Variants in PLXND1 observed in about 807,000 individuals in gnomAD.
PLXND1 encodes the protein plexin D1.
PLXND1 carries 54 observed loss-of-function variants against 197.7 expected under a neutral mutation model. The observed-to-expected ratio is 0.27, with a 90% confidence interval of 0.22 to 0.34. The LOEUF (loss-of-function observed/expected upper bound fraction) is 0.34. Ranked by LOEUF, PLXND1 falls within the 10% of genes least tolerant of loss-of-function variation. The probability of loss-of-function intolerance (pLI) is 1.00; values close to 1 mark genes in which losing one functional copy is unlikely to be tolerated. For missense variants in PLXND1, 2,127 were observed against 2,699.2 expected, an observed-to-expected ratio of 0.79 and a Z score of 4.70; for synonymous variants, 1,180 against 1,161.2, an observed-to-expected ratio of 1.02 and a Z score of -0.33.
chr3:129,571,416 G>T, intron 17 of PLXND1, 93 bp downstream of exon 17: 1 of 1,520,310 alleles, frequency 6.6e-7, no homozygotes, highest in Non-Finnish European at 9.1e-7. Flanking sequence ...AGGAAGAGGG[G>T]ACAGAGATGC....
At position 129,569,909 on chromosome 3, in the gene PLXND1, C is replaced by T. The variant is rs1455634637; in HGVS notation, c.3799G>A (p.Gly1267Ser). Reference protein sequence around the residue: ...NQTIATLQLGGSETAIIVSIV... With the variant: ...NQTIATLQLGSSETAIIVSIV... The stretch of plus-strand genomic sequence containing the variant: ...GACACGATGATGGCCGTCTCGCTGC[C>T]CCCCAGCTGCAGTGTGGCGATGGTC... Residue 1267 changes from glycine (G) to serine (S), a missense_variant, in exon 20 of 36, where the codon GGC (glycine) becomes AGC (serine). Physicochemically the swap from Gly to Ser is moderately conservative, Grantham distance 56 (BLOSUM62 0). Coordinates refer to ENST00000324093, the MANE Select transcript of PLXND1 (RefSeq NM_015103.3). 6.2e-7 allele frequency: 1 copy of T among 1,613,366 alleles called. No homozygotes were observed. The highest frequency in any genetic ancestry group is 8.5e-7 in the Non-Finnish European group (1 of 1,179,554).
intron 20 of PLXND1, among the ~76,000 whole-genome samples, chr3:129,569,009 T>C (rs1360229285): frequency 2.0e-5 from 3 of 152,256 alleles, no homozygotes; most frequent in African/African-American, 7.2e-5. Context: ...TCTGTCTCTA[T>C]GAATTTCCCT....
intron 1 of PLXND1, among the ~76,000 whole-genome samples, chr3:129,595,636 C>A (rs1030338175): frequency 9.9e-5 from 15 of 152,188 alleles, no homozygotes; most frequent in Non-Finnish European, 2.2e-4. Flanking sequence ...TTCGGGGAGG[C>A]CTGCCTTGGT....
chr3:129,578,989 C>T (rs2085352015), intron 8 of PLXND1, among the ~76,000 whole-genome samples: 1 of 152,170 alleles, frequency 6.6e-6, no homozygotes, highest in Admixed American at 6.5e-5. Flanking sequence ...CCAGGGGACA[C>T]CCCTCCCCAC....
Position 129,572,835 on chromosome 3 carries a change from C to A in PLXND1, c.2937+7G>T, listed in dbSNP as rs770460856. 6.2e-7 allele frequency: 1 copy of A among 1,613,478 alleles called. No homozygotes were observed. Among genetic ancestry groups the A allele is most frequent in the South Asian group, 1.1e-5 (1 of 91,078 alleles). On this transcript the variant is annotated splice_region_variant and intron_variant, in intron 14 of 35. Transcript: ENST00000324093. ...GGGCCGGACAGTGGGCTGCAGCCCCCCCTTACCACGTAGGAGAAGCGGTCC... is the reference window on the plus strand; with the variant it reads ...GGGCCGGACAGTGGGCTGCAGCCCCACCTTACCACGTAGGAGAAGCGGTCC...
intron 2 of PLXND1, among the ~76,000 whole-genome samples, chr3:129,587,061 A>T (rs763600372): frequency 6.6e-6 from 1 of 152,122 alleles, no homozygotes; most frequent in Non-Finnish European, 1.5e-5. Flanking sequence ...TTTGACACTG[A>T]GGAGCTCTAC....
chr3:129,587,442 T>C (rs2085478162), intron 2 of PLXND1, among the ~76,000 whole-genome samples: 1 of 152,216 alleles, frequency 6.6e-6, no homozygotes, highest in African/African-American at 2.4e-5. Flanking sequence ...AGGGACCCTC[T>C]GCGTGTCCTC....
rs1224896150 is a variant in PLXND1, at chr3:129,575,457, G to A, written c.2530+12C>T. 1 of 1,528,710 alleles carries A rather than the reference G, an allele frequency of 6.5e-7. No homozygotes were observed. The highest frequency in any genetic ancestry group is 2.4e-5 in the East Asian group (1 of 40,850). 94.7% of individuals were successfully genotyped at this position (1,528,710 alleles called of 1,614,324 possible). A position where few individuals can be genotyped will look rare whatever the true frequency, so the allele number is the denominator to read the frequency against. The stretch of plus-strand genomic sequence containing the variant: ...GGCCCCGAGGCCATGTGGGGCGGGT[G>A]GGGGTGCCCACCTGTCATGGGCTCA... On this transcript the variant is annotated intron_variant, in intron 11 of 35. Transcript: ENST00000324093.
intron 31 of PLXND1, 61 bp from the exon 32 acceptor site, chr3:129,559,844 C>A: frequency 7.2e-7 from 1 of 1,383,522 alleles, no homozygotes; most frequent in South Asian, 1.5e-5. Context: ...CTAGTGGGCA[C>A]CCTTGGTGGC....
Position 129,605,570 on chromosome 3 carries a change from C to T in PLXND1, c.1070G>A (p.Arg357His). 1 of 1,524,004 alleles carries T rather than the reference C, an allele frequency of 6.6e-7. No homozygotes were observed. The allele number at this position is 1,524,004 out of a possible 1,614,324, so 94.4% of individuals were successfully genotyped here. Residue 357 changes from arginine (R) to histidine (H), a missense_variant, in exon 1 of 36, where the codon CGC becomes CAC. Arg to His is a conservative substitution (Grantham distance 29). Coordinates refer to ENST00000324093, the MANE Select transcript of PLXND1 (RefSeq NM_015103.3). The stretch of plus-strand genomic sequence containing the variant: ...CCGGGCTGGGAAGACCGACACCAGG[C>T]GGCTGTAGAGGTCGCCGCGGCCCGC... ...GGAGRGDLYSRLVSVFPARER... is the reference protein window; with the variant it reads ...GGAGRGDLYSHLVSVFPARER...
chr3:129,578,875 T>C (rs559964288), intron 8 of PLXND1, among the ~76,000 whole-genome samples: 20 of 152,254 alleles, frequency 1.3e-4, no homozygotes, highest in African/African-American at 3.4e-4. Flanking sequence ...TGTTAAGCGA[T>C]TCAGAAAAGA....
At chr3:129,556,778 C>T in intron 34 of PLXND1, 87 bp from the exon 35 acceptor site, 1 of 933,034 alleles carries the variant, frequency 1.1e-6, no homozygotes, top group Non-Finnish European at 1.7e-6. Flanking sequence ...GCACACAATC[C>T]CCAACTCCCC....
intron 25 of PLXND1, among the ~76,000 whole-genome samples, chr3:129,564,423 A>T (rs769369324): frequency 1.3e-5 from 2 of 152,240 alleles, no homozygotes; most frequent in Non-Finnish European, 2.9e-5. Context: ...AAGCGGGAGG[A>T]TTGCTTGAGC....
chr3:129,605,435 G>T lies in PLXND1; in HGVS notation c.1205C>A (p.Ala402Asp). ...TTCCACGAAGCAGGCGGTGCGCGCA[G>T]CTCGGATGGCGGCTCGCACGTCGGC... ...RFADVRAAIRAARTACFVEPA... is the reference protein window; with the variant it reads ...RFADVRAAIRDARTACFVEPA... Residue 402 changes from alanine (A) to aspartate (D), a missense_variant, in exon 1 of 36, where the codon GCT becomes GAT. Coordinates refer to ENST00000324093, the MANE Select transcript of PLXND1 (RefSeq NM_015103.3). The T allele has an allele frequency of 6.7e-7, 1 of 1,503,354 alleles. No individual in the cohort carries two copies. 93.1% of individuals were successfully genotyped at this position (1,503,354 alleles called of 1,614,324 possible).
rs147042239 is a variant in PLXND1, at chr3:129,563,178, G to C, written c.4584C>G (p.Gly1528=). The C allele has an allele frequency of 6.2e-7, 1 of 1,612,340 alleles. No homozygotes were observed. The highest frequency in any genetic ancestry group is 2.2e-5 in the East Asian group (1 of 44,838). Residue 1528 remains glycine, a synonymous_variant, in exon 26 of 36, where the codon GGC becomes GGG. Transcript: ENST00000324093. ...CCTTGCCTGTGATGGCGTCGATGGA[G>C]CCCTTGTTGATTTGCTGCTTGATGG... The part of the protein sequence containing the change: ...LCAIKQQINK[G]SIDAITGKAR...
At chr3:129,589,309 C>CGGGGG in intron 2 of PLXND1, 42 bp downstream of exon 2, 6 of 643,990 alleles carry the variant, frequency 9.3e-6, no homozygotes, top group Non-Finnish European at 1.1e-5. Context: ...CCAGGGGAGC[C>CGGGGG]TCCCACCCCC....
In PLXND1 at chr3:129,605,463, A is replaced by C. The variant is rs993246657; in HGVS notation, c.1177T>G (p.Phe393Val). 6.7e-7 allele frequency: 1 copy of C among 1,501,040 alleles called. No homozygotes were observed. Among genetic ancestry groups the C allele is most frequent in the African/African-American group, 1.5e-5 (1 of 68,568 alleles). 93.0% of individuals were successfully genotyped at this position (1,501,040 alleles called of 1,614,324 possible). The change falls in exon 1 of 36, where the codon TTC becomes GTC. Residue 393 changes from phenylalanine (F) to valine (V), a missense_variant. Physicochemically the swap from Phe to Val is conservative, Grantham distance 50. This residue lies in a region of PLXND1 where 1,095 missense variants were observed against 1,259.8 expected (regional missense o/e 0.87). Transcript: ENST00000324093. Reference protein sequence around the residue: ...AAPAALCAFRFADVRAAIRAA... With the variant: ...AAPAALCAFRVADVRAAIRAA... ...CGGATGGCGGCTCGCACGTCGGCGA[A>C]GCGGAAGGCGCAGAGTGCGGCCGGA...
chr3:129,555,683 T>G lies in PLXND1; in HGVS notation c.*629A>C. On this transcript the variant is annotated 3_prime_UTR_variant, in exon 36 of 36. Coordinates refer to ENST00000324093, the MANE Select transcript of PLXND1 (RefSeq NM_015103.3). ...GCTCCTGTGCCCCCCATCCCTCCCCTCCACCCTCCCTGCTCCTGGAGAAGC... is the reference window on the plus strand; with the variant it reads ...GCTCCTGTGCCCCCCATCCCTCCCCGCCACCCTCCCTGCTCCTGGAGAAGC... The G allele has an allele frequency of 1.9e-6, 1 of 530,374 alleles. No individual in the cohort carries two copies. 32.9% of individuals were successfully genotyped at this position (530,374 alleles called of 1,614,324 possible).
chr3:129,595,921 GCACA>G (rs57098603), intron 1 of PLXND1, among the ~76,000 whole-genome samples: 13 of 146,410 alleles, frequency 8.9e-5, no homozygotes, highest in African/African-American at 1.3e-4. Context: ...GTGCACGCAC[GCACA>G]CACACACACA....
Sources: allele counts gnomAD v4.1 joint callset (sites outside exome capture counted in the v4.1 genomes callset), GRCh38; gene constraint gnomAD v4.1.1; regional missense constraint gnomAD v4.1.1; transcripts MANE v1.5; gene names NCBI Gene and HGNC (gene_info 2026-07-23, HGNC 2026-07-21).